CDH13: variants seen among roughly 807,000 people sequenced by gnomAD.
CDH13 encodes the protein cadherin-13.
Under a neutral mutation model 63.8 loss-of-function variants are expected in CDH13, and 24 were observed. The ratio of observed to expected loss-of-function variants is 0.38; its 90% CI spans 0.27 to 0.53. The LOEUF (loss-of-function observed/expected upper bound fraction) is 0.53. Among genes scored for constraint, CDH13 ranks in the 20% least tolerant of loss-of-function variants. CDH13 has a pLI of 0.85. For missense variants in CDH13, 1,049 were observed against 903.1 expected (o/e 1.16, Z -2.07); for synonymous variants, 503 against 355.3 (o/e 1.42, Z -4.67).
chr16:83,782,853 A>C (rs559456164), intron 12 of CDH13, among the ~76,000 whole-genome samples: 1 of 152,042 alleles, frequency 6.6e-6, no homozygotes, highest in Admixed American at 6.5e-5. Context: ...TTAGCTTTCT[A>C]GATGTGGAAC....
At chr16:83,162,539 G>C (rs543884523) in intron 4 of CDH13, among the ~76,000 whole-genome samples, 1 of 152,240 alleles carries the variant, frequency 6.6e-6, no homozygotes, top group South Asian at 2.1e-4. Context: ...AAGTTTTAAA[G>C]GTTGAACAAA....
intron 4 of CDH13, among the ~76,000 whole-genome samples, 161 bp downstream of exon 4, chr16:83,125,662 T>C (rs2151644813): frequency 6.6e-6 from 1 of 152,360 alleles, no homozygotes; most frequent in South Asian, 2.1e-4. Context: ...GGAAGATCAT[T>C]CATATGCAAA....
chr16:83,505,271 C>T (rs774106470), intron 7 of CDH13, among the ~76,000 whole-genome samples: 4 of 152,182 alleles, frequency 2.6e-5, no homozygotes, highest in African/African-American at 7.2e-5. Context: ...GCCTAGCGGG[C>T]GTTAGCCTAC....
chr16:83,772,348 A>G (rs17700786), intron 11 of CDH13, among the ~76,000 whole-genome samples: 36,472 of 152,124 alleles, frequency 0.24, 4,735 homozygotes, highest in Non-Finnish European at 0.3. Flanking sequence ...ACCAGTGGTC[A>G]TCTTGGAAAT....
chr16:82,909,784 G>A (rs559872657), intron 2 of CDH13, among the ~76,000 whole-genome samples: 1 of 152,248 alleles, frequency 6.6e-6, no homozygotes, highest in African/African-American at 2.4e-5. Flanking sequence ...TATTCAAGAT[G>A]AGATCTGGGT....
chr16:82,997,804 T>C (rs1333255657), intron 2 of CDH13, among the ~76,000 whole-genome samples: 2 of 152,164 alleles, frequency 1.3e-5, no homozygotes, highest in African/African-American at 2.4e-5. Flanking sequence ...ATATTCAGTA[T>C]CATTTTCTGG....
At chr16:83,181,647 G>C (rs983204166) in intron 4 of CDH13, among the ~76,000 whole-genome samples, 8 of 152,138 alleles carry the variant, frequency 5.3e-5, no homozygotes, top group African/African-American at 1.9e-4. Context: ...CTGAAAAGAG[G>C]GGGAGAAGAG....
chr16:83,300,242 A>C (rs1435232965), intron 5 of CDH13, among the ~76,000 whole-genome samples: 2 of 152,088 alleles, frequency 1.3e-5, no homozygotes, highest in African/African-American at 4.8e-5. Flanking sequence ...TTAGAAAATG[A>C]GATTTTGTAG....
At chr16:82,700,708 T>C (rs1255880467) in intron 1 of CDH13, among the ~76,000 whole-genome samples, 2 of 152,054 alleles carry the variant, frequency 1.3e-5, no homozygotes, top group East Asian at 3.9e-4. Flanking sequence ...CTTCTCATCC[T>C]GTTTTGAGTC....
chr16:83,157,614 G>C (rs2058980091), intron 4 of CDH13, among the ~76,000 whole-genome samples: 1 of 152,070 alleles, frequency 6.6e-6, no homozygotes, highest in African/African-American at 2.4e-5. Flanking sequence ...AATATGTCCG[G>C]CCGGGCGCGG....
chr16:83,613,108 T>C (rs1836549820), intron 8 of CDH13, among the ~76,000 whole-genome samples: 1 of 152,228 alleles, frequency 6.6e-6, no homozygotes, highest in Admixed American at 6.5e-5. Context: ...ACTTCAAAGA[T>C]AACATTTCAT....
In CDH13 at chr16:83,800,064, G is replaced by A. The variant is rs537553959; in HGVS notation, c.*5034G>A. 1 of 152,286 alleles carries A rather than the reference G, an allele frequency of 6.6e-6. No homozygotes were observed. The highest frequency in any genetic ancestry group is 1.9e-4 in the East Asian group (1 of 5,192). 9.4% of individuals were successfully genotyped at this position (152,286 alleles called of 1,614,324 possible). A position where few individuals can be genotyped will look rare whatever the true frequency, so the allele number is the denominator to read the frequency against. ...GTTGCTATCATCACATCTATCGTTG[G>A]AGGGTTGCTGAGCTTGATACGCCTT... On this transcript the variant is annotated 3_prime_UTR_variant, in exon 14 of 14. Coordinates refer to ENST00000567109, the MANE Select transcript of CDH13 (RefSeq NM_001257.5).
chr16:83,600,498 T>G (rs1907685961), intron 7 of CDH13, among the ~76,000 whole-genome samples: 2 of 152,202 alleles, frequency 1.3e-5, no homozygotes, highest in South Asian at 4.1e-4. Flanking sequence ...CTTAAAAGTT[T>G]TTGAGAGAGC....
intron 12 of CDH13, among the ~76,000 whole-genome samples, chr16:83,782,864 G>A (rs1035910138): frequency 1.2e-4 from 18 of 152,140 alleles, no homozygotes; most frequent in Admixed American, 8.5e-4. Flanking sequence ...GATGTGGAAC[G>A]CAGTCTTTGT....
At chr16:82,881,070 C>T (rs935167789) in intron 2 of CDH13, among the ~76,000 whole-genome samples, 3 of 152,102 alleles carry the variant, frequency 2.0e-5, no homozygotes, top group African/African-American at 4.8e-5. Context: ...GTATTTATAA[C>T]ATTCATTTTC....
intron 1 of CDH13, among the ~76,000 whole-genome samples, chr16:82,804,177 G>A (rs1018386545): frequency 3.5e-5 from 4 of 115,108 alleles, no homozygotes; most frequent in African/African-American, 1.3e-4. Context: ...GCAGTGAGCT[G>A]AGATCACGCT....
chr16:83,217,684 C>G (rs2039581540), intron 5 of CDH13, among the ~76,000 whole-genome samples, 187 bp downstream of exon 5: 1 of 152,136 alleles, frequency 6.6e-6, no homozygotes, highest in South Asian at 2.1e-4. Context: ...GGGTCTTTAT[C>G]TCATCAGTAG....
intron 3 of CDH13, among the ~76,000 whole-genome samples, chr16:83,086,495 C>A (rs2033603547): frequency 6.6e-6 from 1 of 152,098 alleles, no homozygotes; most frequent in African/African-American, 2.4e-5. Context: ...TGTCCCAGAT[C>A]CTTTATCAAG....
intron 7 of CDH13, among the ~76,000 whole-genome samples, chr16:83,533,779 C>G (rs1407409123): frequency 1.3e-5 from 2 of 151,874 alleles, no homozygotes; most frequent in Admixed American, 1.3e-4. Flanking sequence ...CACCACCACG[C>G]CCAGCTAATT....
Sources: allele counts gnomAD v4.1 joint callset (sites outside exome capture counted in the v4.1 genomes callset), GRCh38; gene constraint gnomAD v4.1.1; transcripts MANE v1.5; gene names NCBI Gene and HGNC (gene_info 2026-07-23, HGNC 2026-07-21).